USP33: variants seen among roughly 807,000 people sequenced by gnomAD.
USP33 encodes the protein ubiquitin carboxyl-terminal hydrolase 33.
Under a neutral mutation model 124.2 loss-of-function variants are expected in USP33, and 46 were observed. The observed-to-expected ratio is 0.37, with a 90% confidence interval of 0.29 to 0.47. The LOEUF is 0.47. Among genes scored for constraint, USP33 ranks in the 20% least tolerant of loss-of-function variants. The probability of loss-of-function intolerance (pLI) is 0.99; values close to 1 mark genes in which losing one functional copy is unlikely to be tolerated. For synonymous variants in USP33, 350 were observed against 352.3 expected, an observed-to-expected ratio of 0.99 and a Z score of 0.07; for missense variants, 851 against 1,070.6, an observed-to-expected ratio of 0.79 and a Z score of 2.86.
intron 21 of USP33, among the ~76,000 whole-genome samples, chr1:77,707,455 G>C (rs1176183163): frequency 6.6e-6 from 1 of 152,162 alleles, no homozygotes; most frequent in African/African-American, 2.4e-5. Flanking sequence ...GACAACTGAG[G>C]ATGATCTCAT....
Position 77,728,481 on chromosome 1 carries a change from T to A in USP33, c.949A>T (p.Met317Leu), listed in dbSNP as rs372231478. Residue 317 changes from methionine (M) to leucine (L), a missense_variant, in exon 10 of 24, where the codon ATG becomes TTG. Physicochemically the swap from Met to Leu is conservative, Grantham distance 15 (BLOSUM62 2). This residue lies in a region of USP33 where 207 missense variants were observed against 200.9 expected (regional missense o/e 1.03). Transcript: ENST00000370794. ...TTGTTTTCATCATCCTGAATTAACA[T>A]TGTTGTTTCATTATTATCTTCAGAA... ...CFSEDNNETT[M>L]LIQDDENNSE... 2.5e-6 allele frequency: 4 copies of A among 1,614,112 alleles called. No homozygotes were observed. Among genetic ancestry groups the A allele is most frequent in the Non-Finnish European group, 3.4e-6 (4 of 1,180,008 alleles).
intron 19 of USP33, among the ~76,000 whole-genome samples, chr1:77,714,212 A>G (rs1675610665): frequency 6.6e-6 from 1 of 152,208 alleles, no homozygotes; most frequent in African/African-American, 2.4e-5. Flanking sequence ...AACCACCAAT[A>G]TAGTCGATAG....
chr1:77,752,100 T>C (rs1206741402), intron 1 of USP33, among the ~76,000 whole-genome samples: 3 of 151,968 alleles, frequency 2.0e-5, no homozygotes, highest in Non-Finnish European at 4.4e-5. Context: ...ATTCAAATTT[T>C]AATATTAGGA....
intron 1 of USP33, chr1:77,759,332 C>A: frequency 2.8e-6 from 1 of 352,484 alleles, no homozygotes; most frequent in Non-Finnish European, 5.1e-6. Context: ...GCAGAGCCCC[C>A]GCTTCTCGGG....
chr1:77,743,500 G>T (rs1444001128), intron 1 of USP33, among the ~76,000 whole-genome samples: 1 of 151,744 alleles, frequency 6.6e-6, no homozygotes, highest in East Asian at 1.9e-4. Flanking sequence ...TTTGAGACAG[G>T]GCCTCATTCT....
chr1:77,756,177 A>G (rs1271606796), intron 1 of USP33, among the ~76,000 whole-genome samples: 4 of 152,160 alleles, frequency 2.6e-5, no homozygotes, highest in Admixed American at 2.6e-4. Flanking sequence ...TTCTGGGCTC[A>G]AGCAAATCTC....
chr1:77,720,376 A>G, intron 15 of USP33: 1 of 985,382 alleles, frequency 1.0e-6, no homozygotes, highest in Non-Finnish European at 1.2e-6. Context: ...CTTCCAAGCC[A>G]ACTTCCTTTT....
intron 10 of USP33, among the ~76,000 whole-genome samples, chr1:77,725,995 G>A (rs1312631000): frequency 6.6e-6 from 1 of 152,094 alleles, no homozygotes; most frequent in Non-Finnish European, 1.5e-5. Context: ...TGTCCCCCAG[G>A]CTGCAGTGCA....
chr1:77,757,110 C>T (rs1680871964), intron 1 of USP33, among the ~76,000 whole-genome samples: 2 of 152,286 alleles, frequency 1.3e-5, no homozygotes, highest in Non-Finnish European at 2.9e-5. Context: ...TACAAATATC[C>T]TCCAATATTT....
intron 1 of USP33, among the ~76,000 whole-genome samples, chr1:77,743,584 C>T (rs193047871): frequency 2.6e-5 from 4 of 152,212 alleles, no homozygotes; most frequent in Non-Finnish European, 5.9e-5. Context: ...AAACCGTCCT[C>T]CTGTCTCAGC....
intron 17 of USP33, among the ~76,000 whole-genome samples, chr1:77,717,059 G>T (rs1169532016): frequency 2.6e-5 from 4 of 151,702 alleles, no homozygotes; most frequent in Non-Finnish European, 5.9e-5. Context: ...TAGAGACGGG[G>T]TTTCACAATG....
intron 21 of USP33, 69 bp from the exon 22 acceptor site, chr1:77,701,540 T>C: frequency 7.9e-7 from 1 of 1,266,388 alleles, no homozygotes. Flanking sequence ...ATACCATCAT[T>C]CCACTTCAGT....
At chr1:77,752,686 C>A (rs1680445257) in intron 1 of USP33, among the ~76,000 whole-genome samples, 1 of 152,052 alleles carries the variant, frequency 6.6e-6, no homozygotes, top group South Asian at 2.1e-4. Flanking sequence ...ATATTTTTAA[C>A]AATAACCTGG....
At chr1:77,746,514 C>T (rs1210146185) in intron 1 of USP33, 5 of 152,128 alleles carry the variant, frequency 3.3e-5, no homozygotes, top group South Asian at 2.1e-4. Context: ...AGGAATCCTC[C>T]GTAACTCATT....
chr1:77,710,630 A>C (rs1179713225), intron 21 of USP33, among the ~76,000 whole-genome samples: 1 of 152,208 alleles, frequency 6.6e-6, no homozygotes, highest in African/African-American at 2.4e-5. Context: ...GCCCTGAATC[A>C]ATGAGGAAAA....
chr1:77,740,838 T>C, intron 4 of USP33, 39 bp downstream of exon 4: 1 of 1,462,446 alleles, frequency 6.8e-7, no homozygotes, highest in Non-Finnish European at 9.3e-7. Flanking sequence ...TCAGGCACTT[T>C]TTTTAACAAG....
At chr1:77,758,676 A>C (rs955986994) in intron 1 of USP33, among the ~76,000 whole-genome samples, 1 of 152,222 alleles carries the variant, frequency 6.6e-6, no homozygotes, top group East Asian at 1.9e-4. Context: ...TGACTTGGTC[A>C]GACCTTTCCA....
intron 11 of USP33, among the ~76,000 whole-genome samples, chr1:77,724,636 C>T (rs553841596): frequency 6.6e-6 from 1 of 152,106 alleles, no homozygotes; most frequent in East Asian, 1.9e-4. Context: ...TTGTCCTAGA[C>T]AAATGAAAAA....
chr1:77,717,039 G>T (rs181789370), intron 17 of USP33, among the ~76,000 whole-genome samples: 1,714 of 151,710 alleles, frequency 0.011, 8 homozygotes, highest in Non-Finnish European at 0.017. Flanking sequence ...CTAATTTTTT[G>T]TATTTTTAGT....
Sources: allele counts gnomAD v4.1 joint callset (sites outside exome capture counted in the v4.1 genomes callset), GRCh38; gene constraint gnomAD v4.1.1; regional missense constraint gnomAD v4.1.1; transcripts MANE v1.5; gene names NCBI Gene and HGNC (gene_info 2026-07-23, HGNC 2026-07-21).